Variants in MACROH2A2 observed in about 807,000 individuals in gnomAD.
MACROH2A2 encodes core histone macro-H2A.2.
MACROH2A2 carries 6 observed loss-of-function variants against 37.6 expected under a neutral mutation model. That is an observed-to-expected ratio of 0.16 (90% CI 0.09 to 0.32). The LOEUF is 0.32. MACROH2A2 is among the 10% of genes least tolerant of loss of function. The pLI, the probability that MACROH2A2 is intolerant of heterozygous loss-of-function variation, is 1.00. For missense variants in MACROH2A2, 290 were observed against 485.9 expected, an observed-to-expected ratio of 0.60 and a Z score of 3.79; for synonymous variants, 192 against 202.7, an observed-to-expected ratio of 0.95 and a Z score of 0.45.
intron 6 of MACROH2A2, among the ~76,000 whole-genome samples, chr10:70,097,816 ACATTTG>A (rs780402222): frequency 1.3e-5 from 2 of 152,172 alleles, no homozygotes; most frequent in Non-Finnish European, 2.9e-5. Context: ...AGTTTCTTAA[ACATTTG>A]TTTAAGCCAG....
chr10:70,110,877 G>A (rs2072368351), intron 8 of MACROH2A2, among the ~76,000 whole-genome samples: 2 of 151,946 alleles, frequency 1.3e-5, no homozygotes, highest in African/African-American at 4.8e-5. Context: ...GATGGAGCAA[G>A]ACTTTGCCTC....
chr10:70,063,005 CTAAATAAA>C (rs149712201), intron 1 of MACROH2A2, among the ~76,000 whole-genome samples: 1 of 151,820 alleles, frequency 6.6e-6, no homozygotes, highest in Admixed American at 6.6e-5. Context: ...TTAACAAAAA[CTAAATAAA>C]TAAATAAATA....
In MACROH2A2 at chr10:70,083,110, G is replaced by C. The variant is rs956725829; in HGVS notation, c.173-6950G>C. Among the ~76,000 whole-genome samples, 5 of 152,040 alleles carry C rather than the reference G, an allele frequency of 3.3e-5. No individual in the cohort carries two copies. In the East Asian group the frequency reaches 7.7e-4, roughly 23 times the overall value. Reference sequence around the variant, plus strand: ...CAGGAGGGGGAGAGCTGGAAACACAGAGACAAGGAGCCTGGTGGGAAAGCT... The same window carrying C: ...CAGGAGGGGGAGAGCTGGAAACACACAGACAAGGAGCCTGGTGGGAAAGCT... On this transcript the variant is annotated intron_variant, in intron 2 of 8. Transcript: ENST00000373255.
intron 1 of MACROH2A2, among the ~76,000 whole-genome samples, chr10:70,054,054 G>T (rs925749790): frequency 6.6e-6 from 1 of 152,176 alleles, no homozygotes; most frequent in African/African-American, 2.4e-5. Context: ...TTTCCTTGGG[G>T]GGGCGCCCTC....
intron 2 of MACROH2A2, among the ~76,000 whole-genome samples, chr10:70,080,842 A>C (rs1327540114): frequency 7.4e-6 from 1 of 135,932 alleles, no homozygotes; most frequent in African/African-American, 2.8e-5. Flanking sequence ...CCAAGATCAC[A>C]CCATTGCACT....
intron 1 of MACROH2A2, among the ~76,000 whole-genome samples, chr10:70,070,841 C>T (rs988242256): frequency 4.6e-5 from 7 of 152,206 alleles, no homozygotes; most frequent in Non-Finnish European, 8.8e-5. Flanking sequence ...TTTTCTTATA[C>T]TCCTAGTCCT....
chr10:70,072,606 G>A (rs1414432192), intron 1 of MACROH2A2, among the ~76,000 whole-genome samples: 3 of 152,130 alleles, frequency 2.0e-5, no homozygotes, highest in African/African-American at 4.8e-5. Flanking sequence ...CAGTAGGTTT[G>A]TTTACATCAG....
At chr10:70,069,360 C>T (rs1166840840) in intron 1 of MACROH2A2, among the ~76,000 whole-genome samples, 2 of 152,168 alleles carry the variant, frequency 1.3e-5, no homozygotes, top group Non-Finnish European at 2.9e-5. Context: ...TTTTACCTCC[C>T]TGTTTCTCAC....
At chr10:70,100,337 A>C (rs1479803172) in intron 7 of MACROH2A2, 40 bp downstream of exon 7, 4 of 1,123,794 alleles carry the variant, frequency 3.6e-6, no homozygotes, top group East Asian at 2.4e-5. Flanking sequence ...GCATGGCCTC[A>C]CCCTCCTCTC....
rs75076270 is a variant in MACROH2A2, at chr10:70,053,296, C to T, written c.-60+296C>T. Among the ~76,000 whole-genome samples, 5,571 of 152,014 alleles carry T rather than the reference C, an allele frequency of 0.037. 150 individuals carry two copies. The highest frequency in any genetic ancestry group is 0.057 in the Non-Finnish European group (3,847 of 67,920). On this transcript the variant is annotated intron_variant, in intron 1 of 8. Coordinates refer to ENST00000373255, the MANE Select transcript of MACROH2A2 (RefSeq NM_018649.3). This position sits in a 1 kb window ranked among gnomAD's most constrained non-coding sequence, Gnocchi z 4.8. Reference sequence around the variant, plus strand: ...ACTGAGAGGGGAAGGAGGAGGGATGCGAGGTTCAGCAGCGGGCCCCAGGCG... The same window carrying T: ...ACTGAGAGGGGAAGGAGGAGGGATGTGAGGTTCAGCAGCGGGCCCCAGGCG...
At chr10:70,106,802 CAAAAAAA>C (rs56986649) in intron 7 of MACROH2A2, among the ~76,000 whole-genome samples, 1 of 65,402 alleles carries the variant, frequency 1.5e-5, no homozygotes, top group African/African-American at 5.7e-5. Flanking sequence ...CATCCTGTCT[CAAAAAAA>C]AAAAAAAAAA....
rs72807043 is a variant in MACROH2A2 at position 70,111,714 on chromosome 10, C to T, written c.*31C>T. 9.8e-5 allele frequency: 151 copies of T among 1,543,876 alleles called. No homozygotes were observed. The highest frequency in any genetic ancestry group is 4.9e-4 in the East Asian group (21 of 42,524). ...GCACTTTCCAGCAGGGATCGGAGGA[C>T]GACCCGAGTCCCAAGAGTGGGGTTT... On this transcript the variant is annotated 3_prime_UTR_variant, in exon 9 of 9. Transcript: ENST00000373255.
chr10:70,058,901 C>A (rs562024940), intron 1 of MACROH2A2, among the ~76,000 whole-genome samples: 1 of 152,056 alleles, frequency 6.6e-6, no homozygotes, highest in African/African-American at 2.4e-5. Flanking sequence ...CCCCGTCCCC[C>A]CACCACCCCG....
Position 70,076,602 on chromosome 10 carries a change from TA to T in MACROH2A2, c.172+774del, listed in dbSNP as rs1216558264. On this transcript the variant is annotated intron_variant, in intron 2 of 8. Coordinates refer to ENST00000373255, the MANE Select transcript of MACROH2A2 (RefSeq NM_018649.3). ...AAAATATATAAATATATATGTACAA[TA>T]AGTATGATTTAGTCCCTTGTTGGGT... Among the ~76,000 whole-genome samples, 5 of 152,244 alleles carry T rather than the reference TA, an allele frequency of 3.3e-5. No homozygotes were observed. In the East Asian group the frequency reaches 7.7e-4, roughly 24 times the overall value.
At position 70,107,819 on chromosome 10, in the gene MACROH2A2, G is replaced by T. The variant is rs1326869814; in HGVS notation, c.779-1214G>T. On this transcript the variant is annotated intron_variant, in intron 7 of 8. Coordinates refer to ENST00000373255, the MANE Select transcript of MACROH2A2 (RefSeq NM_018649.3). This position sits in a 1 kb window ranked among gnomAD's most constrained non-coding sequence, Gnocchi z 4.4. The stretch of plus-strand genomic sequence containing the variant: ...TTCAGTGGTTCTCAACTCATAGAAG[G>T]TCCTAAAATCACATAAGCATAAGCC... Among the ~76,000 whole-genome samples, 1 of 152,108 alleles carries T rather than the reference G, an allele frequency of 6.6e-6. No individual in the cohort carries two copies. Among genetic ancestry groups the T allele is most frequent in the Non-Finnish European group, 1.5e-5 (1 of 68,026 alleles).
At chr10:70,093,403 G>A (rs2072257680) in intron 4 of MACROH2A2, among the ~76,000 whole-genome samples, 1 of 152,126 alleles carries the variant, frequency 6.6e-6, no homozygotes, top group Non-Finnish European at 1.5e-5. Context: ...TAAGCAATGG[G>A]CTATCAACGG....
chr10:70,075,945 C>T lies in MACROH2A2; in HGVS notation c.172+115C>T, dbSNP rs2072137282. ...TTGCCTTTTGGCTGGCTCAAGGCTA[C>T]TGTGGGTGGTGACAGGGTTGCAACT... is the stretch of plus-strand genomic sequence containing the variant. On this transcript the variant is annotated intron_variant, in intron 2 of 8. Transcript: ENST00000373255. This position sits in a 1 kb window ranked among gnomAD's most constrained non-coding sequence, Gnocchi z 5.0. 1 of 809,284 alleles carries T rather than the reference C, an allele frequency of 1.2e-6. No homozygotes were observed. The allele number at this position is 809,284 out of a possible 1,614,324, so 50.1% of individuals were successfully genotyped here.
intron 2 of MACROH2A2, among the ~76,000 whole-genome samples, chr10:70,079,565 G>GCACACACACACACACACACACA (rs56247035): frequency 7.9e-6 from 1 of 126,216 alleles, no homozygotes; most frequent in Non-Finnish European, 1.6e-5. Flanking sequence ...GCGCGCGCGC[G>GCACACACACACACACACACACA]CACACACACA....
intron 3 of MACROH2A2, 68 bp from the exon 4 acceptor site, chr10:70,091,689 A>AAG (rs1201452700): frequency 8.9e-6 from 10 of 1,123,832 alleles, no homozygotes; most frequent in Non-Finnish European, 1.3e-5. Flanking sequence ...AAAAAAAAAA[A>AAG]AAGAACTGTA....
Sources: gnomAD v4.1 joint callset for allele counts (sites outside exome capture counted in the v4.1 genomes callset) on GRCh38, gnomAD v4.1.1 for gene constraint, Gnocchi (gnomAD v3.1) non-coding constraint, MANE v1.5 for transcripts, NCBI Gene and HGNC (gene_info 2026-07-23, HGNC 2026-07-21) for gene names.